DRGX: variants seen among roughly 807,000 people sequenced by gnomAD.
The protein encoded by DRGX is dorsal root ganglia homeobox, also known as dorsal root ganglia homeobox protein.
In DRGX, 21 loss-of-function variants were observed where a neutral mutation model predicts 28.6. The ratio of observed to expected loss-of-function variants is 0.73; its 90% CI spans 0.52 to 1.06. The LOEUF (loss-of-function observed/expected upper bound fraction) is 1.06, where lower values mean the gene tolerates loss of function less well. Among genes scored for constraint, DRGX ranks in the 50% least tolerant of loss-of-function variants. The pLI, the probability that DRGX is intolerant of heterozygous loss-of-function variation, is 0.00. For synonymous variants in DRGX, 136 were observed against 139.1 expected (o/e 0.98, Z 0.16); for missense variants, 354 against 343.9 (o/e 1.03, Z -0.23).
chr10:49,366,268 G>C lies in DRGX; in HGVS notation c.640C>G (p.Arg214Gly). 1 of 1,613,910 alleles carries C rather than the reference G, an allele frequency of 6.2e-7. No homozygotes were observed. The highest frequency in any genetic ancestry group is 8.5e-7 in the Non-Finnish European group (1 of 1,179,858). Residue 214 changes from arginine (R) to glycine (G), a missense_variant, in exon 7 of 7, where the codon CGC becomes GGC. Arg to Gly is a moderately radical substitution (Grantham distance 125, BLOSUM62 -2). Coordinates refer to ENST00000374139, the MANE Select transcript of DRGX (RefSeq NM_001276451.2). ...TGCAGGACAGCTTCTGAGTGCTCGC[G>C]GGCCTTCATGCGCAGGGTGGCCACG... ...ASVATLRMKA[R>G]EHSEAVLQSA...
At chr10:49,382,489 GAGGCTATGTCAT>G (rs1357825360) in intron 6 of DRGX, among the ~76,000 whole-genome samples, 1 of 152,198 alleles carries the variant, frequency 6.6e-6, no homozygotes, top group African/African-American at 2.4e-5. Flanking sequence ...GAAGATGAGG[GAGGCTATGTCAT>G]AGCCCAGAGC....
In DRGX at chr10:49,365,174, G is replaced by A. The variant is rs1187052011; in HGVS notation, c.*942C>T. On this transcript the variant is annotated 3_prime_UTR_variant, in exon 7 of 7. Transcript: ENST00000374139. ...AGTAAAAAACCACCACCACTGAAGA[G>A]CCCCCTCTACGTGCCAGGCATGTGG... The A allele has an allele frequency of 1.3e-5, 2 of 152,172 alleles. No homozygotes were observed. The highest frequency in any genetic ancestry group is 1.3e-4 in the Admixed American group (2 of 15,274). The allele number at this position is 152,172 out of a possible 1,614,324, so 9.4% of individuals were successfully genotyped here. A position where few individuals can be genotyped will look rare whatever the true frequency, so the allele number is the denominator to read the frequency against.
chr10:49,386,899 C>T (rs1564708881), intron 4 of DRGX, 41 bp from the exon 5 acceptor site: 1 of 1,512,650 alleles, frequency 6.6e-7, no homozygotes, highest in Non-Finnish European at 8.8e-7. Flanking sequence ...GAAAATCAAA[C>T]AGGAGGAAGA....
Position 49,380,024 on chromosome 10 carries a change from C to T in DRGX, c.526+6454G>A, listed in dbSNP as rs142618229. Among the ~76,000 whole-genome samples, 859 of 152,328 alleles carry T rather than the reference C, an allele frequency of 5.6e-3. 6 individuals are homozygous for T. Among genetic ancestry groups the T allele is most frequent in the Admixed American group, 9.9e-3 (152 of 15,304 alleles). ...CCATTGTCCTGCCACTGTTCTCTGG[C>T]CTCGGGCTCTGACTCTAGGGAACCA... On this transcript the variant is annotated intron_variant, in intron 6 of 6. Transcript: ENST00000374139.
At chr10:49,376,618 T>G (rs1260604461) in intron 6 of DRGX, among the ~76,000 whole-genome samples, 1 of 152,042 alleles carries the variant, frequency 6.6e-6, no homozygotes, top group Non-Finnish European at 1.5e-5. Flanking sequence ...AGAACTTAGG[T>G]GGATTTGGAT....
intron 4 of DRGX, among the ~76,000 whole-genome samples, chr10:49,389,001 G>C (rs757160904): frequency 9.9e-5 from 15 of 152,116 alleles, no homozygotes; most frequent in Admixed American, 2.0e-4. Context: ...TTCCACTTCT[G>C]AATGCTCAAT....
intron 2 of DRGX, among the ~76,000 whole-genome samples, chr10:49,395,092 G>A (rs1849951220): frequency 6.6e-6 from 1 of 152,242 alleles, no homozygotes; most frequent in African/African-American, 2.4e-5. Flanking sequence ...GGCCCCCTGG[G>A]TTGCGGAGCC....
chr10:49,387,400 T>A (rs1849851787), intron 4 of DRGX, among the ~76,000 whole-genome samples: 2 of 152,172 alleles, frequency 1.3e-5, no homozygotes, highest in South Asian at 4.2e-4. Flanking sequence ...GGCTCAGGCA[T>A]GCAGTCCCAG....
intron 6 of DRGX, among the ~76,000 whole-genome samples, chr10:49,377,955 C>A (rs1225488482): frequency 6.6e-6 from 1 of 152,138 alleles, no homozygotes; most frequent in Non-Finnish European, 1.5e-5. Context: ...GCTTCAAACT[C>A]CCTAAAGAAA....
chr10:49,390,312 T>A, intron 3 of DRGX, 78 bp from the exon 4 acceptor site: 1 of 1,258,600 alleles, frequency 7.9e-7, no homozygotes. Context: ...TCAAATCTCC[T>A]GTGAGTGGTG....
rs1177120102 is a variant in DRGX, at chr10:49,390,248, A to G, written c.133-14T>C. ...GAGAGCTTCCAGCTGGTAAAAGGAA[A>G]AAATATGTACTGGTGAGAGGCTGTG... On this transcript the variant is annotated splice_polypyrimidine_tract_variant and intron_variant, in intron 3 of 6. Coordinates refer to ENST00000374139, the MANE Select transcript of DRGX (RefSeq NM_001276451.2). 1 of 1,599,500 alleles carries G rather than the reference A, an allele frequency of 6.3e-7. No homozygotes were observed. The highest frequency in any genetic ancestry group is 1.7e-5 in the Admixed American group (1 of 58,034).
rs763066739 is a variant in DRGX at position 49,368,736 on chromosome 10, G to A, written c.527-2355C>T. Reference sequence around the variant, plus strand: ...TGGTGGTCCCCCTTGGAGAGGGTATGCTGTAGATTTGTGTTTTCCTCTCTA... The same window carrying A: ...TGGTGGTCCCCCTTGGAGAGGGTATACTGTAGATTTGTGTTTTCCTCTCTA... On this transcript the variant is annotated intron_variant, in intron 6 of 6. Coordinates refer to ENST00000374139, the MANE Select transcript of DRGX (RefSeq NM_001276451.2). Among the ~76,000 whole-genome samples the A allele has an allele frequency of 1.6e-4, 24 of 152,350 alleles. No homozygotes were observed. In the Middle Eastern group the frequency reaches 0.01, roughly 65 times the overall value.
rs1372856321 is a variant in DRGX, at chr10:49,366,068, G to A, written c.*48C>T. 3 of 1,500,004 alleles carry A rather than the reference G, an allele frequency of 2.0e-6. No homozygotes were observed. The highest frequency in any genetic ancestry group is 2.7e-6 in the Non-Finnish European group (3 of 1,125,132). The allele number at this position is 1,500,004 out of a possible 1,614,324, so 92.9% of individuals were successfully genotyped here. A position where few individuals can be genotyped will look rare whatever the true frequency, so the allele number is the denominator to read the frequency against. The stretch of plus-strand genomic sequence containing the variant: ...AGTTTTCTGTAGGGGCTGAGGCTGG[G>A]AGAAGGAGGGGCGGGGGAGGGCAGG... On this transcript the variant is annotated 3_prime_UTR_variant, in exon 7 of 7. Coordinates refer to ENST00000374139, the MANE Select transcript of DRGX (RefSeq NM_001276451.2).
chr10:49,391,060 A>G, intron 3 of DRGX, 104 bp downstream of exon 3: 1 of 1,245,874 alleles, frequency 8.0e-7, no homozygotes, highest in South Asian at 1.4e-5. Context: ...TTCAGTTAGC[A>G]TAATCAATTG....
rs182832631 is a variant in DRGX, at chr10:49,379,916, G to A, written c.526+6562C>T. On this transcript the variant is annotated intron_variant, in intron 6 of 6. Transcript: ENST00000374139. ...CCTATCTGTCCCCACACTCCTCCCAGCCTGGGCCTTACCTGCAACTGGCTG... is the reference window on the plus strand; with the variant it reads ...CCTATCTGTCCCCACACTCCTCCCAACCTGGGCCTTACCTGCAACTGGCTG... Among the ~76,000 whole-genome samples the A allele has an allele frequency of 6.2e-4, 95 of 152,342 alleles. 1 individual carries two copies. The highest frequency in any genetic ancestry group is 2.2e-3 in the African/African-American group (93 of 41,574).
At chr10:49,378,658 A>G (rs919325678) in intron 6 of DRGX, among the ~76,000 whole-genome samples, 4 of 152,242 alleles carry the variant, frequency 2.6e-5, no homozygotes, top group Non-Finnish European at 5.9e-5. Flanking sequence ...GGTTCTAGCC[A>G]GCACAGTCCA....
chr10:49,366,158 G>A lies in DRGX; in HGVS notation c.750C>T (p.Thr250=), dbSNP rs753856701. 9 of 1,610,960 alleles carry A rather than the reference G, an allele frequency of 5.6e-6. No homozygotes were observed. Among genetic ancestry groups the A allele is most frequent in the South Asian group, 2.2e-5 (2 of 90,692 alleles). ...PAPPDGSQEK[T]SPTKEQSEAE... The stretch of plus-strand genomic sequence containing the variant: ...CCTCGCTCTGTTCCTTGGTGGGAGA[G>A]GTCTTTTCCTGGCTGCCATCTGGGG... The change falls in exon 7 of 7, where the codon ACC becomes ACT. Residue 250 remains threonine (T), a synonymous_variant. Coordinates refer to ENST00000374139, the MANE Select transcript of DRGX (RefSeq NM_001276451.2).
chr10:49,381,612 C>A (rs1203947025), intron 6 of DRGX, among the ~76,000 whole-genome samples: 1 of 152,220 alleles, frequency 6.6e-6, no homozygotes, highest in African/African-American at 2.4e-5. Context: ...AGCTCAGAGT[C>A]CTCTGATGTG....
intron 6 of DRGX, among the ~76,000 whole-genome samples, chr10:49,367,532 AT>A: frequency 6.6e-6 from 1 of 152,236 alleles, no homozygotes; most frequent in Non-Finnish European, 1.5e-5. Flanking sequence ...ACTGTTAGAT[AT>A]TGCTTATGGC....
Sources: allele counts gnomAD v4.1 joint callset (sites outside exome capture counted in the v4.1 genomes callset), GRCh38; gene constraint gnomAD v4.1.1; transcripts MANE v1.5; gene names NCBI Gene and HGNC (gene_info 2026-07-23, HGNC 2026-07-21).